The following DPP6 variants were observed in gnomAD, a reference collection of about 807,000 sequenced individuals.
The protein encoded by DPP6 is dipeptidyl peptidase like 6.
Under a neutral mutation model 122.6 loss-of-function variants are expected in DPP6, and 69 were observed. The ratio of observed to expected loss-of-function variants is 0.56; its 90% CI spans 0.46 to 0.69. The LOEUF is 0.69. DPP6 is among the 30% of genes least tolerant of loss of function. The pLI, the probability that DPP6 is intolerant of heterozygous loss-of-function variation, is 0.00. For synonymous variants in DPP6, 418 were observed against 433.1 expected (o/e 0.97, Z 0.43); for missense variants, 928 against 1,116.9 (o/e 0.83, Z 2.41).
intron 1 of DPP6, among the ~76,000 whole-genome samples, chr7:153,920,888 A>G (rs1407998879): frequency 1.3e-5 from 2 of 152,114 alleles, no homozygotes; most frequent in Non-Finnish European, 2.9e-5. Flanking sequence ...TATTAATACA[A>G]ATGTGTCACC....
chr7:154,358,984 G>T (rs1811502814), intron 1 of DPP6, among the ~76,000 whole-genome samples: 2 of 152,214 alleles, frequency 1.3e-5, no homozygotes, highest in African/African-American at 2.4e-5. Flanking sequence ...GGGATTACAG[G>T]CGTGAGACAC....
intron 1 of DPP6, among the ~76,000 whole-genome samples, 170 bp downstream of exon 1, chr7:154,053,233 CGCGTCCCGGAG>C (rs1800531382): frequency 0.011 from 1 of 88 alleles, no homozygotes; most frequent in Non-Finnish European, 0.017. Flanking sequence ...TCGCGGTCAC[CGCGTCCCGGAG>C]GGAGCGGGTC....
chr7:154,685,248 C>T (rs1839527328), intron 7 of DPP6, among the ~76,000 whole-genome samples: 1 of 152,204 alleles, frequency 6.6e-6, no homozygotes, highest in Admixed American at 6.5e-5. Context: ...GTCTGTAAAT[C>T]CTTTTTTCCA....
chr7:154,820,904 G>A (rs1431615403), intron 16 of DPP6, among the ~76,000 whole-genome samples: 2 of 152,204 alleles, frequency 1.3e-5, no homozygotes, highest in Non-Finnish European at 2.9e-5. Context: ...GACAATTCAA[G>A]TTTAGAAATT....
chr7:154,201,996 G>T (rs1339455263), intron 1 of DPP6, among the ~76,000 whole-genome samples: 2 of 152,170 alleles, frequency 1.3e-5, no homozygotes, highest in East Asian at 3.9e-4. Flanking sequence ...ACCAGTTTTT[G>T]TTAAATTAGG....
intron 17 of DPP6, among the ~76,000 whole-genome samples, chr7:154,861,381 A>C (rs899483451): frequency 7.9e-5 from 12 of 152,186 alleles, no homozygotes; most frequent in African/African-American, 2.9e-4. Context: ...TAATCCTATG[A>C]TATCTAAGTA....
At chr7:154,342,402 C>G (rs551306840) in intron 1 of DPP6, among the ~76,000 whole-genome samples, 3 of 152,302 alleles carry the variant, frequency 2.0e-5, no homozygotes, top group African/African-American at 7.2e-5. Context: ...CTAGGAGGGA[C>G]AGATTCTGTC....
chr7:154,626,847 A>G (rs1835099153), intron 5 of DPP6, among the ~76,000 whole-genome samples: 2 of 152,326 alleles, frequency 1.3e-5, no homozygotes, highest in South Asian at 4.1e-4. Flanking sequence ...TGCCTAGAGC[A>G]GTGAAGGAAA....
At chr7:154,603,875 G>A (rs1481306935) in intron 5 of DPP6, among the ~76,000 whole-genome samples, 1 of 118,486 alleles carries the variant, frequency 8.4e-6, no homozygotes, top group Non-Finnish European at 1.9e-5. Context: ...TGTAGGGTTA[G>A]AATGTAATGA....
intron 1 of DPP6, among the ~76,000 whole-genome samples, chr7:154,356,702 A>C (rs532287787): frequency 3.9e-5 from 6 of 152,234 alleles, no homozygotes; most frequent in Non-Finnish European, 7.3e-5. Flanking sequence ...CAACTTTTAA[A>C]ACAAAATAAT....
chr7:154,120,646 C>T (rs1169010195), intron 1 of DPP6, among the ~76,000 whole-genome samples: 1 of 152,114 alleles, frequency 6.6e-6, no homozygotes, highest in Non-Finnish European at 1.5e-5. Context: ...ATACAAGTTT[C>T]ATGATTTATA....
intron 1 of DPP6, among the ~76,000 whole-genome samples, chr7:154,228,416 T>G (rs1218226039): frequency 6.6e-6 from 1 of 152,186 alleles, no homozygotes; most frequent in African/African-American, 2.4e-5. Context: ...AGACCAGTAC[T>G]TAGGGATAAA....
chr7:154,612,314 C>A (rs1452067644), intron 5 of DPP6, among the ~76,000 whole-genome samples: 2 of 152,218 alleles, frequency 1.3e-5, no homozygotes, highest in Non-Finnish European at 2.9e-5. Context: ...ACAGCCACAG[C>A]CACTCCTTCC....
intron 12 of DPP6, among the ~76,000 whole-genome samples, chr7:154,799,366 G>A (rs969051867): frequency 3.3e-5 from 5 of 152,256 alleles, no homozygotes; most frequent in Non-Finnish European, 5.9e-5. Context: ...AGAGAAGCAG[G>A]CAATCCCCCC....
chr7:154,623,589 GCACA>G (rs1391047562), intron 5 of DPP6, among the ~76,000 whole-genome samples: 1 of 141,842 alleles, frequency 7.1e-6, no homozygotes, highest in African/African-American at 2.7e-5. Context: ...ACGCACACGC[GCACA>G]CACACGCTGA....
chr7:154,001,560 A>C (rs1459964398), intron 1 of DPP6, among the ~76,000 whole-genome samples: 1 of 152,038 alleles, frequency 6.6e-6, no homozygotes, highest in East Asian at 1.9e-4. Context: ...TGACAGCTCC[A>C]CTGCTGGCAG....
chr7:154,442,955 C>A (rs1248647375), intron 1 of DPP6, among the ~76,000 whole-genome samples: 6 of 152,130 alleles, frequency 3.9e-5, no homozygotes, highest in Non-Finnish European at 8.8e-5. Context: ...TTAGTGGGAG[C>A]CTTATTTACA....
intron 8 of DPP6, among the ~76,000 whole-genome samples, chr7:154,767,944 G>C (rs563924415): frequency 6.6e-6 from 1 of 152,314 alleles, no homozygotes; most frequent in African/African-American, 2.4e-5. Context: ...CACGTGACAG[G>C]GGAGCGAGGC....
chr7:154,759,143 C>T (rs1017637963), intron 8 of DPP6, among the ~76,000 whole-genome samples: 7 of 152,158 alleles, frequency 4.6e-5, no homozygotes, highest in East Asian at 3.9e-4. Flanking sequence ...CCCCCTGGTG[C>T]GAATTCACCC....
Sources: gnomAD v4.1 joint callset for allele counts (sites outside exome capture counted in the v4.1 genomes callset) on GRCh38, gnomAD v4.1.1 for gene constraint, MANE v1.5 for transcripts, NCBI Gene and HGNC (gene_info 2026-07-23, HGNC 2026-07-21) for gene names.